KLF12: variants seen among roughly 807,000 people sequenced by gnomAD.
KLF12 encodes the protein KLF transcription factor 12, also known as Krueppel-like factor 12.
Under a neutral mutation model 37.8 loss-of-function variants are expected in KLF12, and 9 were observed. That is an observed-to-expected ratio of 0.24 (90% CI 0.14 to 0.42). The LOEUF is 0.42. KLF12 is among the 10% of genes least tolerant of loss of function. The probability of loss-of-function intolerance (pLI) is 1.00; values close to 1 mark genes in which losing one functional copy is unlikely to be tolerated. For synonymous variants in KLF12, 208 were observed against 202.1 expected (o/e 1.03, Z -0.25); for missense variants, 411 against 516.0 (o/e 0.80, Z 1.97).
intron 1 of KLF12, among the ~76,000 whole-genome samples, chr13:74,029,785 T>C (rs1893069268): frequency 6.6e-6 from 1 of 152,024 alleles, no homozygotes; most frequent in South Asian, 2.1e-4. Flanking sequence ...AAATGTTTGG[T>C]TCCCTATGAG....
At position 73,962,171 on chromosome 13, in the gene KLF12, G is replaced by C. The variant is rs1891041156; in HGVS notation, c.34-18101C>G. On this transcript the variant is annotated intron_variant, in intron 2 of 7. Transcript: ENST00000377669. Reference sequence around the variant, plus strand: ...GAAATTAGTTATCAAGCCATGAAAAGACATGCAGGAACCTTACATGCATAT... The same window carrying C: ...GAAATTAGTTATCAAGCCATGAAAACACATGCAGGAACCTTACATGCATAT... Among the ~76,000 whole-genome samples the C allele has an allele frequency of 2.0e-5, 3 of 152,294 alleles. No homozygotes were observed. The South Asian group carries it at 6.2e-4, about 32-fold the overall frequency.
chr13:74,252,977 GTCTATCTATCTA>G, the KLF12 span, among the ~76,000 whole-genome samples: 11,279 of 147,260 alleles, frequency 0.077, 572 homozygotes, highest in Middle Eastern at 0.11. Context: ...TCTGTCATCT[GTCTATCTATCTA>G]TCTATCTATC....
chr13:74,262,815 A>ATG, the KLF12 span, among the ~76,000 whole-genome samples: 1 of 152,044 alleles, frequency 6.6e-6, no homozygotes, highest in Non-Finnish European at 1.5e-5. Flanking sequence ...ATATATATAT[A>ATG]TGTGTGCATA....
chr13:74,203,857 T>C, the KLF12 span, among the ~76,000 whole-genome samples: 1 of 152,240 alleles, frequency 6.6e-6, no homozygotes, highest in East Asian at 1.9e-4. Flanking sequence ...GTAAGACAGC[T>C]TTGTAAATAT....
intron 1 of KLF12, among the ~76,000 whole-genome samples, chr13:74,114,745 G>A (rs1037093812): frequency 3.3e-5 from 5 of 152,144 alleles, no homozygotes; most frequent in African/African-American, 9.7e-5. Context: ...TTTTAGATGG[G>A]TGTTCATCTC....
chr13:73,757,332 T>A (rs527311378), intron 6 of KLF12, among the ~76,000 whole-genome samples: 1 of 152,170 alleles, frequency 6.6e-6, no homozygotes, highest in African/African-American at 2.4e-5. Flanking sequence ...TTTTTATAAA[T>A]ACGTTGCACG....
intron 1 of KLF12, among the ~76,000 whole-genome samples, chr13:74,072,689 G>A (rs905110832): frequency 9.2e-5 from 14 of 151,992 alleles, no homozygotes; most frequent in Admixed American, 5.9e-4. Context: ...CACGCCACCC[G>A]GGTGACAGAG....
the KLF12 span, among the ~76,000 whole-genome samples, chr13:74,180,879 A>G: frequency 6.6e-6 from 1 of 152,232 alleles, no homozygotes; most frequent in Admixed American, 6.5e-5. Flanking sequence ...TCACAACCTA[A>G]AGGATGAAAT....
At chr13:73,804,020 G>T (rs1882430898) in intron 5 of KLF12, among the ~76,000 whole-genome samples, 2 of 152,078 alleles carry the variant, frequency 1.3e-5, no homozygotes, top group Non-Finnish European at 2.9e-5. Context: ...GGTGGGTTGG[G>T]TTCATATTGT....
chr13:74,300,107 T>C, the KLF12 span, among the ~76,000 whole-genome samples: 1 of 152,098 alleles, frequency 6.6e-6, no homozygotes, highest in African/African-American at 2.4e-5. Context: ...TGGGCATCTT[T>C]AAAAAAATTC....
At chr13:73,915,660 C>T (rs897619025) in intron 3 of KLF12, among the ~76,000 whole-genome samples, 23 of 151,168 alleles carry the variant, frequency 1.5e-4, no homozygotes, top group African/African-American at 5.1e-4. Flanking sequence ...CTACAGGCAC[C>T]TGCCACCACG....
rs1415450079 is a variant in KLF12, at chr13:73,692,501, G to C, written c.*2989C>G. The C allele has an allele frequency of 2.0e-5, 3 of 152,632 alleles. No individual in the cohort carries two copies. Among genetic ancestry groups the C allele is most frequent in the African/African-American group, 7.2e-5 (3 of 41,456 alleles). 9.5% of individuals were successfully genotyped at this position (152,632 alleles called of 1,614,324 possible). On this transcript the variant is annotated 3_prime_UTR_variant, in exon 8 of 8. Coordinates refer to ENST00000377669, the MANE Select transcript of KLF12 (RefSeq NM_007249.5). ...AATTTAAAATCAAAGAATGCTTCTA[G>C]TTACGGAACAACTGTTATGTCCTTT...
chr13:74,085,027 T>C (rs866128845), intron 1 of KLF12, among the ~76,000 whole-genome samples: 2 of 152,132 alleles, frequency 1.3e-5, no homozygotes, highest in Non-Finnish European at 2.9e-5. Flanking sequence ...GTCTATATCA[T>C]GATCCATTAA....
intron 1 of KLF12, among the ~76,000 whole-genome samples, chr13:74,007,896 A>C (rs1223135406): frequency 2.0e-5 from 3 of 152,030 alleles, no homozygotes; most frequent in Non-Finnish European, 4.4e-5. Context: ...AAAAAAAAAA[A>C]CGCAATGTGA....
intron 3 of KLF12, among the ~76,000 whole-genome samples, chr13:73,922,697 G>A (rs1889173004): frequency 6.6e-6 from 1 of 152,146 alleles, no homozygotes; most frequent in African/African-American, 2.4e-5. Context: ...TTAAAAGACA[G>A]TGAACACTGA....
the KLF12 span, among the ~76,000 whole-genome samples, chr13:74,214,345 T>C: frequency 6.6e-6 from 1 of 152,128 alleles, no homozygotes; most frequent in Non-Finnish European, 1.5e-5. Flanking sequence ...TGCACAGTGA[T>C]CCTGAGCTTC....
intron 1 of KLF12, among the ~76,000 whole-genome samples, chr13:74,054,305 C>G (rs983272094): frequency 1.3e-5 from 2 of 151,970 alleles, no homozygotes; most frequent in African/African-American, 2.4e-5. Context: ...GATGCTTTGG[C>G]CAAAAATTTG....
the KLF12 span, among the ~76,000 whole-genome samples, chr13:74,282,500 T>C: frequency 1.3e-5 from 2 of 152,140 alleles, no homozygotes; most frequent in South Asian, 4.1e-4. Context: ...GTGAAGCATG[T>C]TAATGGTCTG....
At chr13:73,821,951 T>C (rs1297223496) in intron 4 of KLF12, among the ~76,000 whole-genome samples, 1 of 152,244 alleles carries the variant, frequency 6.6e-6, no homozygotes, top group Non-Finnish European at 1.5e-5. Context: ...TTTTGCACTT[T>C]CCATTTTGAA....
Sources: allele counts gnomAD v4.1 joint callset (sites outside exome capture counted in the v4.1 genomes callset), GRCh38; gene constraint gnomAD v4.1.1; transcripts MANE v1.5; gene names NCBI Gene and HGNC (gene_info 2026-07-23, HGNC 2026-07-21).